PLCG1: variants seen among roughly 807,000 people sequenced by gnomAD.
PLCG1 encodes the protein 1-phosphatidylinositol 4,5-bisphosphate phosphodiesterase gamma-1.
Under a neutral mutation model 177.8 loss-of-function variants are expected in PLCG1, and 71 were observed. The observed-to-expected ratio is 0.40, with a 90% CI of 0.33 to 0.49. PLCG1 has a LOEUF of 0.49. PLCG1 is among the 20% of genes least tolerant of loss of function. PLCG1 has a pLI of 0.72. For synonymous variants in PLCG1, 658 were observed against 647.9 expected, an observed-to-expected ratio of 1.02 and a Z score of -0.24; for missense variants, 1,281 against 1,709.0, an observed-to-expected ratio of 0.75 and a Z score of 4.42.
intron 1 of PLCG1, among the ~76,000 whole-genome samples, chr20:41,140,632 G>A (rs2145994087): frequency 6.6e-6 from 1 of 152,286 alleles, no homozygotes; most frequent in African/African-American, 2.4e-5. Flanking sequence ...AAATGGAGCT[G>A]ACACCTCCTG....
chr20:41,140,498 A>T (rs933896265), intron 1 of PLCG1, among the ~76,000 whole-genome samples: 1 of 152,204 alleles, frequency 6.6e-6, no homozygotes, highest in African/African-American at 2.4e-5. Context: ...AGAGAGAGAC[A>T]CTGTGCTACC....
intron 20 of PLCG1, among the ~76,000 whole-genome samples, chr20:41,168,208 C>T (rs960582844): frequency 6.6e-6 from 1 of 152,212 alleles, no homozygotes; most frequent in African/African-American, 2.4e-5. Flanking sequence ...GGGGTAGGAG[C>T]TGGGAGGCAC....
intron 1 of PLCG1, among the ~76,000 whole-genome samples, chr20:41,154,169 TGC>T: frequency 6.6e-6 from 1 of 152,292 alleles, no homozygotes; most frequent in Non-Finnish European, 1.5e-5. Flanking sequence ...ACCTTGCCAG[TGC>T]TTTTGTTCAT....
rs753133127 is a variant in PLCG1, at chr20:41,163,366, C to T, written c.790-12C>T. 1 of 1,608,808 alleles carries T rather than the reference C, an allele frequency of 6.2e-7. No homozygotes were observed. Among genetic ancestry groups the T allele is most frequent in the Admixed American group, 1.7e-5 (1 of 60,004 alleles). On this transcript the variant is annotated splice_polypyrimidine_tract_variant and intron_variant, in intron 8 of 31. Coordinates refer to ENST00000685551, the MANE Select transcript of PLCG1 (RefSeq NM_002660.3). The surrounding 1 kb of genome is among the most constrained non-coding windows in gnomAD (Gnocchi z 5.2). ...AGGCTTCTCTCATCCCCTGCCCTCC[C>T]TACCCCATCAGGAGCTGTGGGCTGT...
At chr20:41,140,998 G>T (rs2034807655) in intron 1 of PLCG1, among the ~76,000 whole-genome samples, 1 of 152,178 alleles carries the variant, frequency 6.6e-6, no homozygotes. Flanking sequence ...ACACCTTTGT[G>T]CTCAGACCAT....
intron 1 of PLCG1, among the ~76,000 whole-genome samples, chr20:41,158,406 C>G (rs956218239): frequency 6.6e-6 from 1 of 152,144 alleles, no homozygotes; most frequent in Non-Finnish European, 1.5e-5. Flanking sequence ...GTTGGCTAAG[C>G]CAAGCTTTTT....
Position 41,172,694 on chromosome 20 carries a change from C to T in PLCG1, c.3131-35C>T, listed in dbSNP as rs1447641610. On this transcript the variant is annotated intron_variant, in intron 26 of 31. Coordinates refer to ENST00000685551, the MANE Select transcript of PLCG1 (RefSeq NM_002660.3). The surrounding 1 kb of genome is among the most constrained non-coding windows in gnomAD (Gnocchi z 7.0). Reference sequence around the variant, plus strand: ...GGTGAGGAGGGGCACTGTGGGGCAGCTGGACTGGAATACACCATAATCTGC... The same window carrying T: ...GGTGAGGAGGGGCACTGTGGGGCAGTTGGACTGGAATACACCATAATCTGC... 1 of 1,612,710 alleles carries T rather than the reference C, an allele frequency of 6.2e-7. No homozygotes were observed. Among genetic ancestry groups the T allele is most frequent in the Non-Finnish European group, 8.5e-7 (1 of 1,179,012 alleles).
Position 41,166,900 on chromosome 20 carries a change from G to A in PLCG1, c.2301+41G>A, listed in dbSNP as rs769934164. On this transcript the variant is annotated intron_variant, in intron 19 of 31. Transcript: ENST00000685551. This position sits in a 1 kb window ranked among gnomAD's most constrained non-coding sequence, Gnocchi z 8.6. ...TAGACGGGGCATGGCAGGGGAGGCA[G>A]GAGAGACCCAGAATCTTACCAGTCT... 1.3e-6 allele frequency: 2 copies of A among 1,572,952 alleles called. No homozygotes were observed. Among genetic ancestry groups the A allele is most frequent in the South Asian group, 1.1e-5 (1 of 89,990 alleles).
In PLCG1 at chr20:41,175,132, G is replaced by A. The variant is rs2036022270; in HGVS notation, c.*623G>A. On this transcript the variant is annotated 3_prime_UTR_variant, in exon 32 of 32. Coordinates refer to ENST00000685551, the MANE Select transcript of PLCG1 (RefSeq NM_002660.3). ...CAGCCTGAAAGATACAGGGGATCAT[G>A]TTAAAAATAGCAGTATTATTTTTCG... is the stretch of plus-strand genomic sequence containing the variant. 1 of 152,850 alleles carries A rather than the reference G, an allele frequency of 6.5e-6. No individual in the cohort carries two copies. Among genetic ancestry groups the A allele is most frequent in the Non-Finnish European group, 1.5e-5 (1 of 68,232 alleles). The allele number at this position is 152,850 out of a possible 1,614,324, so 9.5% of individuals were successfully genotyped here.
chr20:41,160,655 G>A lies in PLCG1; in HGVS notation c.512+502G>A, dbSNP rs2146033683. 6.6e-6 allele frequency among the ~76,000 whole-genome samples: 1 copy of A among 152,358 alleles called. No individual in the cohort carries two copies. The highest frequency in any genetic ancestry group is 1.9e-4 in the East Asian group (1 of 5,186). On this transcript the variant is annotated intron_variant, in intron 4 of 31. Coordinates refer to ENST00000685551, the MANE Select transcript of PLCG1 (RefSeq NM_002660.3). The surrounding 1 kb of genome is among the most constrained non-coding windows in gnomAD (Gnocchi z 5.5). ...GTTACTCAAGATCACTCTGCCTGCTGTGTGGAGAGCTCAGTTAGGAGCTGT... is the reference window on the plus strand; with the variant it reads ...GTTACTCAAGATCACTCTGCCTGCTATGTGGAGAGCTCAGTTAGGAGCTGT...
intron 5 of PLCG1, 50 bp from the exon 6 acceptor site, chr20:41,162,592 C>T (rs1037456507): frequency 1.1e-5 from 18 of 1,606,788 alleles, no homozygotes; most frequent in Non-Finnish European, 1.4e-5. Context: ...AAGAGCCCTT[C>T]AGCTGGGGGC....
In PLCG1 at chr20:41,167,281, TGA is replaced by T. The variant is rs1168663982; in HGVS notation, c.2301+424_2301+425del. On this transcript the variant is annotated intron_variant, in intron 19 of 31. Transcript: ENST00000685551. This position sits in a 1 kb window ranked among gnomAD's most constrained non-coding sequence, Gnocchi z 4.4. ...GCAGAGCCACAGGAGGTGAGACCAG[TGA>T]GGGAAAAAGTCAGGACCCATGGCAG... is the stretch of plus-strand genomic sequence containing the variant. 6.6e-6 allele frequency among the ~76,000 whole-genome samples: 1 copy of T among 151,620 alleles called. No individual in the cohort carries two copies. The highest frequency in any genetic ancestry group is 2.4e-5 in the African/African-American group (1 of 41,240).
At chr20:41,138,013 G>A in intron 1 of PLCG1, 155 bp downstream of exon 1, 1 of 459,946 alleles carries the variant, frequency 2.2e-6, no homozygotes, top group African/African-American at 2.0e-5. Context: ...TTCGTCTCGG[G>A]TGGTCACTGG....
Position 41,172,153 on chromosome 20 carries a change from G to C in PLCG1, c.2809-40G>C. 6.7e-7 allele frequency: 1 copy of C among 1,491,744 alleles called. No homozygotes were observed. Among genetic ancestry groups the C allele is most frequent in the South Asian group, 1.1e-5 (1 of 88,640 alleles). The allele number at this position is 1,491,744 out of a possible 1,614,324, so 92.4% of individuals were successfully genotyped here. ...CAGGGGCTTCCTTCTCCTGGGCAGG[G>C]CTGTAGCCTGGGGCTACAGGGCCTT... On this transcript the variant is annotated intron_variant, in intron 24 of 31. Transcript: ENST00000685551. This position sits in a 1 kb window ranked among gnomAD's most constrained non-coding sequence, Gnocchi z 7.0.
At chr20:41,158,338 G>A (rs1352498463) in intron 1 of PLCG1, among the ~76,000 whole-genome samples, 1 of 152,196 alleles carries the variant, frequency 6.6e-6, no homozygotes, top group Non-Finnish European at 1.5e-5. Flanking sequence ...GCCAGTCTGG[G>A]TTTAGAGGAT....
rs2034927464 is a variant in PLCG1 at position 41,144,282 on chromosome 20, T to A, written c.217+6424T>A. Among the ~76,000 whole-genome samples, 2 of 152,168 alleles carry A rather than the reference T, an allele frequency of 1.3e-5. No individual in the cohort carries two copies. Among genetic ancestry groups the A allele is most frequent in the African/African-American group, 2.4e-5 (1 of 41,428 alleles). The stretch of plus-strand genomic sequence containing the variant: ...ATTCCTGCTATAGTATTCAGTTTAT[T>A]CTCCCATTCTGGGGAAAATGATAAT... On this transcript the variant is annotated intron_variant, in intron 1 of 31. Transcript: ENST00000685551. The surrounding 1 kb of genome is among the most constrained non-coding windows in gnomAD (Gnocchi z 4.1).
rs1300394616 is a variant in PLCG1, at chr20:41,173,168, A to G, written c.3280-252A>G. On this transcript the variant is annotated intron_variant, in intron 27 of 31. Coordinates refer to ENST00000685551, the MANE Select transcript of PLCG1 (RefSeq NM_002660.3). This position sits in a 1 kb window ranked among gnomAD's most constrained non-coding sequence, Gnocchi z 6.2. The stretch of plus-strand genomic sequence containing the variant: ...GATTTCTGTGTTAAAATAGTAATGG[A>G]TTTAACATGAAGTAGATTGCAAAAC... Among the ~76,000 whole-genome samples, 1 of 152,054 alleles carries G rather than the reference A, an allele frequency of 6.6e-6. No homozygotes were observed. Among genetic ancestry groups the G allele is most frequent in the Non-Finnish European group, 1.5e-5 (1 of 68,000 alleles).
chr20:41,166,536 T>C lies in PLCG1; in HGVS notation c.2061T>C (p.Arg687=). The change falls in exon 18 of 32, where the codon CGT becomes CGC. Residue 687 remains arginine, a synonymous_variant. Coordinates refer to ENST00000685551, the MANE Select transcript of PLCG1 (RefSeq NM_002660.3). This position sits in a 1 kb window ranked among gnomAD's most constrained non-coding sequence, Gnocchi z 8.6. ...AGCACATGCTAATGCGCGTCCCTCG[T>C]GATGGGGCCTTCCTGGTGCGGAAGC... The part of the protein sequence containing the change: ...QAEHMLMRVP[R]DGAFLVRKRN... The C allele has an allele frequency of 6.2e-7, 1 of 1,614,154 alleles. No homozygotes were observed. The highest frequency in any genetic ancestry group is 2.2e-5 in the East Asian group (1 of 44,878).
intron 1 of PLCG1, among the ~76,000 whole-genome samples, chr20:41,145,115 G>A (rs576405080): frequency 6.6e-6 from 1 of 152,300 alleles, no homozygotes; most frequent in South Asian, 2.1e-4. Context: ...GGGTAGGTGA[G>A]GGTGTGCTGT....
Sources: gnomAD v4.1 joint callset for allele counts (sites outside exome capture counted in the v4.1 genomes callset) on GRCh38, gnomAD v4.1.1 for gene constraint, Gnocchi (gnomAD v3.1) non-coding constraint, MANE v1.5 for transcripts, NCBI Gene and HGNC (gene_info 2026-07-23, HGNC 2026-07-21) for gene names.